The following NSRP1 variants were observed in gnomAD, a reference collection of about 807,000 sequenced individuals.
NSRP1 encodes the protein nuclear speckle splicing regulatory protein 1, also known as coiled-coil domain containing 55.
A neutral mutation model predicts 54.7 loss-of-function variants in NSRP1; 24 were observed. The observed-to-expected ratio is 0.44, with a 90% CI of 0.32 to 0.62. NSRP1 has a LOEUF of 0.62. Ranked by LOEUF, NSRP1 falls within the 20% of genes least tolerant of loss-of-function variation. NSRP1 has a pLI of 0.06. For missense variants in NSRP1, 596 were observed against 651.2 expected (o/e 0.92, Z 0.92); for synonymous variants, 210 against 213.8 (o/e 0.98, Z 0.15).
chr17:30,118,412 A>C (rs752315773), intron 2 of NSRP1, among the ~76,000 whole-genome samples: 1 of 152,176 alleles, frequency 6.6e-6, no homozygotes, highest in Non-Finnish European at 1.5e-5. Flanking sequence ...AGACTACTGA[A>C]ATTGTCATAA....
intron 2 of NSRP1, among the ~76,000 whole-genome samples, chr17:30,121,495 A>G (rs573818268): frequency 9.9e-5 from 15 of 151,496 alleles, no homozygotes; most frequent in African/African-American, 3.4e-4. Flanking sequence ...TCATTAAAAA[A>G]ATATATAATT....
intron 4 of NSRP1, 27 bp downstream of exon 4, chr17:30,178,226 C>A (rs751412696): frequency 1.3e-6 from 2 of 1,584,746 alleles, no homozygotes; most frequent in South Asian, 1.2e-5. Flanking sequence ...AACAAACTTT[C>A]TTTGACCTTG....
chr17:30,132,104 C>T (rs868444267), intron 2 of NSRP1, among the ~76,000 whole-genome samples: 13 of 150,334 alleles, frequency 8.6e-5, no homozygotes, highest in African/African-American at 2.2e-4. Flanking sequence ...AAAAATTAGC[C>T]GGGCATGGTG....
At chr17:30,184,386 T>A (rs1031963636) in intron 6 of NSRP1, among the ~76,000 whole-genome samples, 1 of 152,220 alleles carries the variant, frequency 6.6e-6, no homozygotes, top group Admixed American at 6.5e-5. Context: ...AAGGGCTAAT[T>A]TTCTCTTTTC....
At chr17:30,131,508 G>T (rs961836555) in intron 2 of NSRP1, among the ~76,000 whole-genome samples, 36 of 151,764 alleles carry the variant, frequency 2.4e-4, no homozygotes, top group African/African-American at 8.7e-4. Context: ...TTATGTTTAT[G>T]CTATGCTGTA....
intron 2 of NSRP1, among the ~76,000 whole-genome samples, chr17:30,130,337 G>C (rs1467127116): frequency 6.6e-6 from 1 of 152,040 alleles, no homozygotes; most frequent in Non-Finnish European, 1.5e-5. Context: ...GGCTTCAAAT[G>C]ATCCTCCTGC....
chr17:30,167,674 T>C (rs1904784314), intron 2 of NSRP1, among the ~76,000 whole-genome samples: 1 of 152,152 alleles, frequency 6.6e-6, no homozygotes. Flanking sequence ...CACACATAAA[T>C]ATATGTATTT....
intron 2 of NSRP1, among the ~76,000 whole-genome samples, chr17:30,141,062 TCTC>T (rs2071800785): frequency 1.3e-5 from 2 of 152,308 alleles, no homozygotes; most frequent in East Asian, 3.9e-4. Context: ...CTCAAGCAGT[TCTC>T]CTGCTTTGAC....
chr17:30,122,951 TA>T (rs1230217148), intron 2 of NSRP1, among the ~76,000 whole-genome samples: 1 of 152,002 alleles, frequency 6.6e-6, no homozygotes, highest in East Asian at 1.9e-4. Flanking sequence ...TACCTTTTTT[TA>T]AAAAAAATTT....
chr17:30,173,831 G>A (rs1049788526), intron 3 of NSRP1, among the ~76,000 whole-genome samples: 8 of 152,162 alleles, frequency 5.3e-5, no homozygotes, highest in Non-Finnish European at 1.0e-4. Flanking sequence ...CAGAACCTAG[G>A]CTTTTAACCA....
chr17:30,152,902 G>T (rs2071926139), intron 2 of NSRP1, among the ~76,000 whole-genome samples: 1 of 99,510 alleles, frequency 1.0e-5, no homozygotes, highest in East Asian at 3.2e-4. Context: ...TTTATTTTCA[G>T]CTTTTTTTTT....
intron 1 of NSRP1, 69 bp from the exon 2 acceptor site, chr17:30,118,011 G>A (rs957837246): frequency 1.7e-6 from 2 of 1,169,118 alleles, no homozygotes; most frequent in Admixed American, 3.5e-5. Flanking sequence ...ATGTGGAAGA[G>A]GTAGTAGATG....
chr17:30,184,892 A>G lies in NSRP1; in HGVS notation c.895A>G (p.Ser299Gly), dbSNP rs769044389. Residue 299 changes from serine (S) to glycine (G), a missense_variant, in exon 7 of 7, where the codon AGT becomes GGT. Transcript: ENST00000247026. ...GTCACCTAGTGAAGAAAGAGGGCACAGTACCAGGCACCACACGAAAGGATC... is the reference window on the plus strand; with the variant it reads ...GTCACCTAGTGAAGAAAGAGGGCACGGTACCAGGCACCACACGAAAGGATC... The part of the protein sequence containing the change: ...SRSPSEERGH[S>G]TRHHTKGSRT... The G allele has an allele frequency of 5.6e-6, 9 of 1,614,180 alleles. No individual in the cohort carries two copies. The highest frequency in any genetic ancestry group is 6.8e-6 in the Non-Finnish European group (8 of 1,180,028).
intron 2 of NSRP1, among the ~76,000 whole-genome samples, chr17:30,131,724 AAG>A (rs1449882761): frequency 2.0e-5 from 3 of 152,094 alleles, no homozygotes; most frequent in Non-Finnish European, 4.4e-5. Context: ...GCAATTTCTT[AAG>A]ACAAAAATGA....
intron 2 of NSRP1, among the ~76,000 whole-genome samples, chr17:30,128,404 T>C (rs2071669968): frequency 6.6e-6 from 1 of 152,042 alleles, no homozygotes; most frequent in Non-Finnish European, 1.5e-5. Context: ...TGAGCTACCA[T>C]TTTTTGCCAT....
chr17:30,125,389 GTTC>G (rs2071640779), intron 2 of NSRP1, among the ~76,000 whole-genome samples: 1 of 152,150 alleles, frequency 6.6e-6, no homozygotes, highest in South Asian at 2.1e-4. Flanking sequence ...CAATTTATCT[GTTC>G]TTTTTATCAA....
chr17:30,135,061 A>C (rs2151883486), intron 2 of NSRP1, among the ~76,000 whole-genome samples: 1 of 152,262 alleles, frequency 6.6e-6, no homozygotes, highest in East Asian at 1.9e-4. Flanking sequence ...CTGCTACTTC[A>C]AGAGGAAATT....
intron 1 of NSRP1, 56 bp from the exon 2 acceptor site, chr17:30,118,024 T>G (rs1046268419): frequency 2.2e-6 from 3 of 1,354,908 alleles, no homozygotes; most frequent in Non-Finnish European, 3.2e-6. Context: ...AGTAGATGTA[T>G]TTGTTAACAT....
At chr17:30,147,434 T>TTTTG (rs778690532) in intron 2 of NSRP1, among the ~76,000 whole-genome samples, 1 of 149,656 alleles carries the variant, frequency 6.7e-6, no homozygotes, top group Non-Finnish European at 1.5e-5. Flanking sequence ...TCGGCCAGAC[T>TTTTG]TTTGTTTGTT....
Sources: gnomAD v4.1 joint callset for allele counts (sites outside exome capture counted in the v4.1 genomes callset) on GRCh38, gnomAD v4.1.1 for gene constraint, MANE v1.5 for transcripts, NCBI Gene and HGNC (gene_info 2026-07-23, HGNC 2026-07-21) for gene names.